FBXL7: variants seen among roughly 807,000 people sequenced by gnomAD.
FBXL7 encodes F-box and leucine rich repeat protein 7.
Under a neutral mutation model 38.3 loss-of-function variants are expected in FBXL7, and 12 were observed. The ratio of observed to expected loss-of-function variants is 0.31; its 90% confidence interval spans 0.20 to 0.51. The LOEUF (loss-of-function observed/expected upper bound fraction) is 0.51, where lower values mean the gene tolerates loss of function less well. Ranked by LOEUF, FBXL7 falls within the 20% of genes least tolerant of loss-of-function variation. FBXL7 has a pLI of 0.98. For missense variants in FBXL7, 567 were observed against 676.4 expected, an observed-to-expected ratio of 0.84 and a Z score of 1.79; for synonymous variants, 297 against 300.9, an observed-to-expected ratio of 0.99 and a Z score of 0.13.
At position 15,906,455 on chromosome 5, in the gene FBXL7, T is replaced by TA. The variant is rs1491365534; in HGVS notation, c.128-21434dup. 5.3e-5 allele frequency among the ~76,000 whole-genome samples: 7 copies of TA among 132,548 alleles called. No homozygotes were observed. The East Asian group carries it at 1.5e-3, about 28-fold the overall frequency. The allele number at this position is 132,548 out of a possible 152,430, so 87.0% of individuals were successfully genotyped here. A position where few individuals can be genotyped will look rare whatever the true frequency, so the allele number is the denominator to read the frequency against. ...AGAAGGATTTTTTTTTTTTTTTTTT[T>TA]ATGTAACATGTATTTTACCATAATT... On this transcript the variant is annotated intron_variant, in intron 2 of 3. Coordinates refer to ENST00000504595, the MANE Select transcript of FBXL7 (RefSeq NM_012304.5).
At chr5:15,909,270 G>T (rs1309527066) in intron 2 of FBXL7, among the ~76,000 whole-genome samples, 2 of 1,818 alleles carry the variant, frequency 1.1e-3, no homozygotes, top group East Asian at 0.02. Context: ...GTCGAGGAAT[G>T]TATCCATTTC....
chr5:15,833,067 G>A (rs972616750), intron 2 of FBXL7, among the ~76,000 whole-genome samples: 2 of 152,236 alleles, frequency 1.3e-5, no homozygotes, highest in South Asian at 2.1e-4. Flanking sequence ...CACCATGATT[G>A]TGAAGCCTCC....
At chr5:15,768,547 A>G (rs1322619997) in intron 2 of FBXL7, among the ~76,000 whole-genome samples, 1 of 152,120 alleles carries the variant, frequency 6.6e-6, no homozygotes, top group Non-Finnish European at 1.5e-5. Flanking sequence ...AAAAAAGAAA[A>G]AAAAGAGTAA....
chr5:15,602,802 C>T (rs2126496029), intron 1 of FBXL7, among the ~76,000 whole-genome samples: 1 of 152,060 alleles, frequency 6.6e-6, no homozygotes, highest in Middle Eastern at 3.4e-3. Flanking sequence ...CTTAAGGATC[C>T]CATTTTGAAA....
At chr5:15,866,435 A>C (rs1467120298) in intron 2 of FBXL7, among the ~76,000 whole-genome samples, 2 of 152,236 alleles carry the variant, frequency 1.3e-5, no homozygotes, top group Non-Finnish European at 2.9e-5. Flanking sequence ...ACATATGTGC[A>C]GATAGCTAGC....
At chr5:15,660,721 TA>T (rs1742036957) in intron 2 of FBXL7, among the ~76,000 whole-genome samples, 1 of 152,126 alleles carries the variant, frequency 6.6e-6, no homozygotes, top group Non-Finnish European at 1.5e-5. Flanking sequence ...CACTTAATCA[TA>T]AGAAGGCATA....
intron 2 of FBXL7, among the ~76,000 whole-genome samples, chr5:15,912,502 G>A (rs1741462317): frequency 6.7e-6 from 1 of 149,498 alleles, no homozygotes; most frequent in Non-Finnish European, 1.5e-5. Flanking sequence ...GCTCACGCTG[G>A]GAGCTGTAGA....
chr5:15,804,370 G>A (rs934635886), intron 2 of FBXL7, among the ~76,000 whole-genome samples: 2 of 152,206 alleles, frequency 1.3e-5, no homozygotes, highest in South Asian at 2.1e-4. Flanking sequence ...TCCAGAGGCC[G>A]AGGTGGGAGG....
At chr5:15,526,233 G>A (rs1737247918) in intron 1 of FBXL7, among the ~76,000 whole-genome samples, 2 of 152,028 alleles carry the variant, frequency 1.3e-5, no homozygotes, top group South Asian at 4.1e-4. Flanking sequence ...GCTGGGTGGG[G>A]GTAAGTTCCA....
intron 2 of FBXL7, among the ~76,000 whole-genome samples, chr5:15,839,312 C>G (rs1186003303): frequency 1.3e-5 from 2 of 151,928 alleles, no homozygotes; most frequent in Non-Finnish European, 2.9e-5. Context: ...AATTCTCTCC[C>G]CTGACATCAA....
At chr5:15,709,349 C>T (rs1309454001) in intron 2 of FBXL7, among the ~76,000 whole-genome samples, 1 of 152,048 alleles carries the variant, frequency 6.6e-6, no homozygotes, top group African/African-American at 2.4e-5. Flanking sequence ...GCCTGGCCAA[C>T]ATGGTACAAC....
chr5:15,501,870 G>A (rs1159825886), intron 1 of FBXL7: 4 of 148,360 alleles, frequency 2.7e-5, no homozygotes, highest in Non-Finnish European at 3.7e-5. Context: ...ATGTGTATGT[G>A]TGTGTGTGTG....
rs532664302 is a variant in FBXL7, at chr5:15,870,476, G to A, written c.128-57414G>A. Among the ~76,000 whole-genome samples, 15 of 152,198 alleles carry A rather than the reference G, an allele frequency of 9.9e-5. No homozygotes were observed. The East Asian group carries it at 2.9e-3, about 29-fold the overall frequency. ...CTCCTGTGGCAGTAGAGAGGATGAG[G>A]TTAGATACACCTGGAAGGAAGGAAA... On this transcript the variant is annotated intron_variant, in intron 2 of 3. Transcript: ENST00000504595.
intron 1 of FBXL7, among the ~76,000 whole-genome samples, chr5:15,559,708 C>CA (rs1347274483): frequency 6.6e-6 from 1 of 152,080 alleles, no homozygotes; most frequent in Non-Finnish European, 1.5e-5. Context: ...AAAAAGAAGA[C>CA]AAAGATTAGT....
At chr5:15,802,784 G>A (rs1017990328) in intron 2 of FBXL7, among the ~76,000 whole-genome samples, 20 of 152,036 alleles carry the variant, frequency 1.3e-4, no homozygotes, top group African/African-American at 4.8e-4. Flanking sequence ...CTCCCAAGTA[G>A]CTGGGATTAC....
intron 2 of FBXL7, among the ~76,000 whole-genome samples, chr5:15,779,944 A>T (rs1736950667): frequency 6.6e-6 from 1 of 152,144 alleles, no homozygotes; most frequent in Admixed American, 6.6e-5. Flanking sequence ...TCCAAACCTA[A>T]TCACCTTTAC....
In FBXL7 at chr5:15,723,476, C is replaced by T. The variant is rs1356341211; in HGVS notation, c.127+107404C>T. Among the ~76,000 whole-genome samples, 4 of 152,162 alleles carry T rather than the reference C, an allele frequency of 2.6e-5. No individual in the cohort carries two copies. The South Asian group carries it at 6.2e-4, about 24-fold the overall frequency. The stretch of plus-strand genomic sequence containing the variant: ...CAATAGATCAAGTCCTGACTTCCAG[C>T]GTTGCAGATTTCCATGGTATAAATA... On this transcript the variant is annotated intron_variant, in intron 2 of 3. Coordinates refer to ENST00000504595, the MANE Select transcript of FBXL7 (RefSeq NM_012304.5).
chr5:15,568,904 A>G (rs1738675731), intron 1 of FBXL7, among the ~76,000 whole-genome samples: 1 of 152,024 alleles, frequency 6.6e-6, no homozygotes. Flanking sequence ...GGTTGTTGAT[A>G]TGTGGCATTA....
At chr5:15,819,177 T>C (rs1472632784) in intron 2 of FBXL7, among the ~76,000 whole-genome samples, 2 of 152,174 alleles carry the variant, frequency 1.3e-5, no homozygotes, top group Non-Finnish European at 2.9e-5. Flanking sequence ...CTCTGCCTTG[T>C]AGCATGAAAA....
Sources: gnomAD v4.1 joint callset for allele counts (sites outside exome capture counted in the v4.1 genomes callset) on GRCh38, gnomAD v4.1.1 for gene constraint, MANE v1.5 for transcripts, NCBI Gene and HGNC (gene_info 2026-07-23, HGNC 2026-07-21) for gene names.